BAIAP2L2: variants seen among roughly 807,000 people sequenced by gnomAD.
BAIAP2L2 encodes BAR/IMD domain containing adaptor protein 2 like 2, also known as BAR/IMD domain-containing adapter protein 2-like 2.
A neutral mutation model predicts 60.4 loss-of-function variants in BAIAP2L2; 65 were observed. The observed-to-expected ratio is 1.08, with a 90% CI of 0.88 to 1.32. The LOEUF is 1.32. Ranked by LOEUF, BAIAP2L2 falls within the 40% of genes most tolerant of loss-of-function variation. The pLI is 0.00. For missense variants in BAIAP2L2, 836 were observed against 741.2 expected, an observed-to-expected ratio of 1.13 and a Z score of -1.48; for synonymous variants, 344 against 301.7, an observed-to-expected ratio of 1.14 and a Z score of -1.45.
chr22:38,090,702 G>C (rs2086277628), intron 7 of BAIAP2L2: 1 of 152,246 alleles, frequency 6.6e-6, no homozygotes, highest in Admixed American at 6.6e-5. Context: ...TATAAAAGAA[G>C]ATACTGAGGG....
chr22:38,087,898 C>CG (rs1446010552), intron 10 of BAIAP2L2, among the ~76,000 whole-genome samples: 3 of 151,674 alleles, frequency 2.0e-5, no homozygotes, highest in African/African-American at 7.3e-5. Context: ...TGACCCCCCC[C>CG]CCGCCATTTA....
intron 4 of BAIAP2L2, among the ~76,000 whole-genome samples, chr22:38,100,938 C>G (rs902759211): frequency 2.6e-5 from 4 of 151,990 alleles, no homozygotes; most frequent in African/African-American, 9.7e-5. Context: ...AGATAGAAGT[C>G]AGAAAGCCTT....
intron 7 of BAIAP2L2, 142 bp from the exon 8 acceptor site, chr22:38,089,816 C>T: frequency 1.2e-6 from 1 of 836,772 alleles, no homozygotes; most frequent in Non-Finnish European, 1.6e-6. Flanking sequence ...GAGCCAGAAG[C>T]CAGCTCACCG....
At chr22:38,094,010 A>C (rs2086368855) in intron 7 of BAIAP2L2, 1 of 456,388 alleles carries the variant, frequency 2.2e-6, no homozygotes, top group South Asian at 1.5e-5. Flanking sequence ...GGTGTATCCA[A>C]GCAATGGAAT....
intron 4 of BAIAP2L2, among the ~76,000 whole-genome samples, chr22:38,106,585 G>A (rs372332612): frequency 2.5e-4 from 37 of 150,770 alleles, no homozygotes; most frequent in East Asian, 7.8e-4. Context: ...GTATTTTATG[G>A]TATCCCCCAA....
chr22:38,088,650 G>A (rs895553209), intron 10 of BAIAP2L2, 98 bp downstream of exon 10: 69 of 1,259,452 alleles, frequency 5.5e-5, no homozygotes, highest in Non-Finnish European at 6.9e-5. Context: ...GGCCCCCGGG[G>A]GAGGCCAGGG....
At chr22:38,108,843 G>C (rs2086725242) in intron 2 of BAIAP2L2, among the ~76,000 whole-genome samples, 1 of 151,968 alleles carries the variant, frequency 6.6e-6, no homozygotes, top group African/African-American at 2.4e-5. Flanking sequence ...GGGCTGCCCT[G>C]GGGCTGTGTG....
intron 10 of BAIAP2L2, among the ~76,000 whole-genome samples, chr22:38,088,180 C>G (rs2086158371): frequency 6.6e-6 from 1 of 152,234 alleles, no homozygotes; most frequent in Non-Finnish European, 1.5e-5. Flanking sequence ...TTTTCCCCTG[C>G]AGGACAGTGG....
chr22:38,089,119 G>A lies in BAIAP2L2; in HGVS notation c.878C>T (p.Ser293Phe). The A allele has an allele frequency of 7.3e-7, 1 of 1,371,502 alleles. No individual in the cohort carries two copies. Among genetic ancestry groups the A allele is most frequent in the East Asian group, 3.0e-5 (1 of 33,392 alleles). The allele number at this position is 1,371,502 out of a possible 1,614,324, so 85.0% of individuals were successfully genotyped here. ...PASQLEPDRR[S>F]LPRTPSASSL... ...ACAGGCCGACGGCGTGCGGGGCAGG[G>A]AGCGACGGTCTGGCTCTAGCTGGGA... The change falls in exon 9 of 14, where the codon TCC becomes TTC. Residue 293 changes from serine to phenylalanine, a missense_variant. Transcript: ENST00000381669.
In BAIAP2L2 at chr22:38,102,102, T is replaced by C. The variant is rs115695443; in HGVS notation, c.277-3620A>G. Reference sequence around the variant, plus strand: ...CAGCAGATGGTCATGGGAAGCTCAGTAGGCCAGTCTGTGAACAGCAGCTGA... The same window carrying C: ...CAGCAGATGGTCATGGGAAGCTCAGCAGGCCAGTCTGTGAACAGCAGCTGA... On this transcript the variant is annotated intron_variant, in intron 4 of 13. Coordinates refer to ENST00000381669, the MANE Select transcript of BAIAP2L2 (RefSeq NM_025045.6). Among the ~76,000 whole-genome samples the C allele has an allele frequency of 5.8e-3, 890 of 152,176 alleles. 6 individuals are homozygous for C. Among genetic ancestry groups the C allele is most frequent in the African/African-American group, 0.02 (845 of 41,518 alleles).
At chr22:38,086,538 G>A (rs1200551332) in intron 11 of BAIAP2L2, 89 bp from the exon 12 acceptor site, 2 of 1,020,890 alleles carry the variant, frequency 2.0e-6, no homozygotes, top group Non-Finnish European at 2.8e-6. Context: ...TTAGGCAGGA[G>A]GCATCCGACA....
At chr22:38,088,340 C>A (rs1278958123) in intron 10 of BAIAP2L2, among the ~76,000 whole-genome samples, 1 of 152,190 alleles carries the variant, frequency 6.6e-6, no homozygotes, top group Non-Finnish European at 1.5e-5. Context: ...GGAGCCTGAC[C>A]GCAAAGAGGT....
At position 38,104,172 on chromosome 22, in the gene BAIAP2L2, G is replaced by GGGTC. The variant is rs146639428; in HGVS notation, c.276+3676_276+3679dup. 8.9e-3 allele frequency among the ~76,000 whole-genome samples: 1,349 copies of GGGTC among 152,256 alleles called. 29 individuals are homozygous for GGGTC. In the East Asian group the frequency reaches 0.1, roughly 12 times the overall value. ...GGGTAATAATAGCAGATAAGGGGAAGGGTCTCTTTCTGGAAGCATCCTAGC... is the reference window on the plus strand; with the variant it reads ...GGGTAATAATAGCAGATAAGGGGAAGGGTCGGTCTCTTTCTGGAAGCATCCTAGC... On this transcript the variant is annotated intron_variant, in intron 4 of 13. Coordinates refer to ENST00000381669, the MANE Select transcript of BAIAP2L2 (RefSeq NM_025045.6).
rs763950037 is a variant in BAIAP2L2, at chr22:38,098,436, G to A, written c.323C>T (p.Thr108Ile). The A allele has an allele frequency of 6.2e-7, 1 of 1,613,816 alleles. No homozygotes were observed. Among genetic ancestry groups the A allele is most frequent in the African/African-American group, 1.3e-5 (1 of 74,918 alleles). Residue 108 changes from threonine to isoleucine, a missense_variant, in exon 5 of 14, where the codon ACC (threonine) becomes ATC (isoleucine). Transcript: ENST00000381669. The part of the protein sequence containing the change: ...GGLLQHMEKN[T>I]KLDMQFIKDS... ...TTTGATGAACTGCATGTCCAGCTTG[G>A]TGTTCTTCTCCATGTGCTGCAGCAG...
At chr22:38,107,709 C>A (rs969516116) in intron 4 of BAIAP2L2, 143 bp downstream of exon 4, 5 of 740,176 alleles carry the variant, frequency 6.8e-6, no homozygotes, top group Non-Finnish European at 9.3e-6. Flanking sequence ...TTGCAGGGAA[C>A]CGTGCCCCAC....
intron 4 of BAIAP2L2, among the ~76,000 whole-genome samples, chr22:38,105,047 T>G (rs944005691): frequency 2.6e-5 from 4 of 152,288 alleles, no homozygotes; most frequent in Admixed American, 2.6e-4. Context: ...TTCAGCAAGA[T>G]TTTCTGTGCC....
chr22:38,089,322 TCGG>T (rs2086215651), intron 8 of BAIAP2L2, 91 bp from the exon 9 acceptor site: 2 of 529,412 alleles, frequency 3.8e-6, no homozygotes, highest in Non-Finnish European at 5.4e-6. Context: ...GTCCCAGGCG[TCGG>T]CGTAGGGGTT....
chr22:38,107,908 T>A lies in BAIAP2L2; in HGVS notation c.220A>T (p.Ile74Phe). 1 of 1,613,394 alleles carries A rather than the reference T, an allele frequency of 6.2e-7. No homozygotes were observed. The highest frequency in any genetic ancestry group is 8.5e-7 in the Non-Finnish European group (1 of 1,179,908). ...QSPTSQILGE[I>F]LVQMSDTQRH... ...TGGGTGTCAGACATCTGCACCAAGA[T>A]CTCCCCTGGAGGCATGGATGCAGCT... The change falls in exon 4 of 14, where the codon ATC becomes TTC. Residue 74 changes from isoleucine (I) to phenylalanine (F), a missense_variant. Transcript: ENST00000381669.
intron 4 of BAIAP2L2, 87 bp downstream of exon 4, chr22:38,107,765 A>G (rs1340108246): frequency 6.3e-6 from 8 of 1,275,936 alleles, no homozygotes; most frequent in Non-Finnish European, 9.1e-6. Context: ...CTCCCTGGGA[A>G]GGGCATCTGG....
Sources: gnomAD v4.1 joint callset for allele counts (sites outside exome capture counted in the v4.1 genomes callset) on GRCh38, gnomAD v4.1.1 for gene constraint, MANE v1.5 for transcripts, NCBI Gene and HGNC (gene_info 2026-07-23, HGNC 2026-07-21) for gene names.